UBR2: variants seen among roughly 807,000 people sequenced by gnomAD.
UBR2 encodes ubiquitin protein ligase E3 component n-recognin 2.
Under a neutral mutation model 247.9 loss-of-function variants are expected in UBR2, and 92 were observed. That is an observed-to-expected ratio of 0.37 (90% CI 0.31 to 0.44). The LOEUF (loss-of-function observed/expected upper bound fraction) is 0.44, where lower values mean the gene tolerates loss of function less well. UBR2 is among the 20% of genes least tolerant of loss of function. UBR2 has a pLI of 1.00. For synonymous variants in UBR2, 672 were observed against 693.5 expected, an observed-to-expected ratio of 0.97 and a Z score of 0.49; for missense variants, 1,613 against 2,112.6, an observed-to-expected ratio of 0.76 and a Z score of 4.64.
At chr6:42,690,955 C>A in intron 46 of UBR2, 77 bp from the exon 47 acceptor site, 1 of 1,562,664 alleles carries the variant, frequency 6.4e-7, no homozygotes, top group Non-Finnish European at 8.7e-7. Flanking sequence ...GTAACCTTGC[C>A]TAAATCAGGA....
At chr6:42,633,928 A>G (rs1261230333) in intron 13 of UBR2, among the ~76,000 whole-genome samples, 1 of 151,462 alleles carries the variant, frequency 6.6e-6, no homozygotes, top group East Asian at 1.9e-4. Flanking sequence ...ACGAGGTTTC[A>G]CCAAGTTGTC....
intron 42 of UBR2, among the ~76,000 whole-genome samples, 164 bp downstream of exon 42, chr6:42,679,996 G>GTTTTGT (rs534673346): frequency 4.6e-4 from 70 of 152,014 alleles, no homozygotes; most frequent in East Asian, 7.8e-4. Context: ...GTTTTGTTTT[G>GTTTTGT]TTTTGTTTTT....
intron 2 of UBR2, 46 bp downstream of exon 2, chr6:42,574,039 A>T: frequency 6.8e-7 from 1 of 1,466,096 alleles, no homozygotes; most frequent in Non-Finnish European, 9.0e-7. Flanking sequence ...GTTTTATTTG[A>T]CCTCTTTTTT....
At chr6:42,604,700 A>C (rs1793589628) in intron 5 of UBR2, among the ~76,000 whole-genome samples, 1 of 152,122 alleles carries the variant, frequency 6.6e-6, no homozygotes, top group African/African-American at 2.4e-5. Context: ...ATCTCCTATC[A>C]AATTTTTTAT....
At position 42,581,003 on chromosome 6, in the gene UBR2, A is replaced by AT. The variant is rs58396471; in HGVS notation, c.338+7038dup. ...TTAGATTACCTTGGGTGGTTCTAGA[A>AT]TTTTTTTTTTTTTTTTTTTTTTTTT... On this transcript the variant is annotated intron_variant, in intron 2 of 46. Coordinates refer to ENST00000372901, the MANE Select transcript of UBR2 (RefSeq NM_001363705.2). Among the ~76,000 whole-genome samples the AT allele has an allele frequency of 5.6e-3, 348 of 62,638 alleles. 12 individuals carry two copies. The highest frequency in any genetic ancestry group is 0.012 in the African/African-American group (154 of 13,088). The allele number at this position is 62,638 out of a possible 152,430, so 41.1% of individuals were successfully genotyped here.
At chr6:42,630,809 G>T (rs1048528502) in intron 11 of UBR2, among the ~76,000 whole-genome samples, 3 of 151,630 alleles carry the variant, frequency 2.0e-5, no homozygotes, top group South Asian at 4.2e-4. Flanking sequence ...CTTATTTGGG[G>T]TTTTTTTGTT....
chr6:42,630,135 G>C (rs1795616341), intron 11 of UBR2, among the ~76,000 whole-genome samples: 1 of 148,850 alleles, frequency 6.7e-6, no homozygotes, highest in African/African-American at 2.5e-5. Context: ...AGCAGTAGCA[G>C]TAGTAGTAGT....
intron 4 of UBR2, among the ~76,000 whole-genome samples, chr6:42,595,622 G>A (rs1792919481): frequency 6.6e-6 from 1 of 151,800 alleles, no homozygotes; most frequent in African/African-American, 2.4e-5. Context: ...GCACGTGCCT[G>A]TGGTCCCAGC....
chr6:42,640,204 T>C lies in UBR2; in HGVS notation c.1859-5T>C. 1.2e-6 allele frequency: 2 copies of C among 1,601,494 alleles called. No homozygotes were observed. Among genetic ancestry groups the C allele is most frequent in the Non-Finnish European group, 1.7e-6 (2 of 1,176,246 alleles). On this transcript the variant is annotated splice_polypyrimidine_tract_variant and splice_region_variant and intron_variant, in intron 15 of 46. Transcript: ENST00000372901. ...ATACTGTTTTTTGTTTGTTCTTTCA[T>C]GCAGGTTTACATGTATTATTAAGCA...
chr6:42,579,313 G>T (rs897667644), intron 2 of UBR2, among the ~76,000 whole-genome samples: 1 of 152,074 alleles, frequency 6.6e-6, no homozygotes, highest in African/African-American at 2.4e-5. Flanking sequence ...TCTCTATTGG[G>T]AGAACAGCAC....
At position 42,688,272 on chromosome 6, in the gene UBR2, G is replaced by T. The variant is rs1726611454; in HGVS notation, c.4910G>T (p.Gly1637Val). 1 of 1,614,012 alleles carries T rather than the reference G, an allele frequency of 6.2e-7. No homozygotes were observed. Among genetic ancestry groups the T allele is most frequent in the Non-Finnish European group, 8.5e-7 (1 of 1,180,036 alleles). ...GCCCCAACTCTGTGCCTTGTGTGCG[G>T]ATCTCTGCTGTGCTCCCAGAGTTAC... ...SRAPTLCLVCGSLLCSQSYCC... is the reference protein window; with the variant it reads ...SRAPTLCLVCVSLLCSQSYCC... Residue 1637 changes from glycine (G) to valine (V), a missense_variant, in exon 45 of 47, where the codon GGA (glycine) becomes GTA (valine). Physicochemically the swap from Gly to Val is moderately radical, Grantham distance 109. Coordinates refer to ENST00000372901, the MANE Select transcript of UBR2 (RefSeq NM_001363705.2).
chr6:42,599,888 G>T (rs1222496339), intron 4 of UBR2, among the ~76,000 whole-genome samples: 2 of 152,026 alleles, frequency 1.3e-5, no homozygotes, highest in Non-Finnish European at 2.9e-5. Context: ...GAGCCACCAC[G>T]CCTAGCTAGA....
intron 40 of UBR2, among the ~76,000 whole-genome samples, chr6:42,678,332 T>G (rs1349882300): frequency 1.3e-5 from 2 of 151,444 alleles, no homozygotes; most frequent in Non-Finnish European, 3.0e-5. Flanking sequence ...CGAGACTCCG[T>G]CTCAAAAAAT....
In UBR2 at chr6:42,605,889, T is replaced by C. The variant is rs141932517; in HGVS notation, c.801+30T>C. 8.2e-3 allele frequency: 12,948 copies of C among 1,582,646 alleles called. 72 individuals are homozygous for C. The highest frequency in any genetic ancestry group is 0.01 in the Non-Finnish European group (11,704 of 1,165,586). ...GTAATTTTACCATGTTGATAATAAA[T>C]TGAATTTTTACTATAGGTAAGTTAC... On this transcript the variant is annotated intron_variant, in intron 6 of 46. Coordinates refer to ENST00000372901, the MANE Select transcript of UBR2 (RefSeq NM_001363705.2).
chr6:42,670,370 A>G, intron 35 of UBR2, 130 bp downstream of exon 35: 2 of 1,210,858 alleles, frequency 1.7e-6, no homozygotes, highest in Non-Finnish European at 2.3e-6. Context: ...AAGACTTAGA[A>G]GCAAGAAATG....
rs772551749 is a variant in UBR2 at position 42,659,622 on chromosome 6, A to G, written c.3243-34A>G. On this transcript the variant is annotated intron_variant, in intron 29 of 46. Coordinates refer to ENST00000372901, the MANE Select transcript of UBR2 (RefSeq NM_001363705.2). The surrounding 1 kb of genome is among the most constrained non-coding windows in gnomAD (Gnocchi z 4.3). Reference sequence around the variant, plus strand: ...TTGTGATTATATAGAAAGTTTTGGGATCATTAATTATATTCATAACCTTTG... The same window carrying G: ...TTGTGATTATATAGAAAGTTTTGGGGTCATTAATTATATTCATAACCTTTG... 1.6e-5 allele frequency: 25 copies of G among 1,591,276 alleles called. No individual in the cohort carries two copies. Among genetic ancestry groups the G allele is most frequent in the Non-Finnish European group, 2.1e-5 (24 of 1,166,188 alleles).
intron 2 of UBR2, among the ~76,000 whole-genome samples, chr6:42,575,505 G>A (rs547847355): frequency 6.6e-6 from 1 of 152,218 alleles, no homozygotes; most frequent in East Asian, 1.9e-4. Context: ...CAAATTATTT[G>A]TATATCTTGT....
At chr6:42,631,527 T>C (rs1225256020) in intron 11 of UBR2, among the ~76,000 whole-genome samples, 1 of 152,162 alleles carries the variant, frequency 6.6e-6, no homozygotes, top group East Asian at 1.9e-4. Context: ...GAAATTACTC[T>C]ATAAATATTC....
intron 5 of UBR2, 118 bp downstream of exon 5, chr6:42,603,836 A>C: frequency 2.8e-6 from 3 of 1,055,528 alleles, no homozygotes; most frequent in Non-Finnish European, 4.0e-6. Context: ...CAATAACCTC[A>C]ATTTTATAGT....
Sources: allele counts gnomAD v4.1 joint callset (sites outside exome capture counted in the v4.1 genomes callset), GRCh38; gene constraint gnomAD v4.1.1; non-coding constraint Gnocchi (gnomAD v3.1); transcripts MANE v1.5; gene names NCBI Gene and HGNC (gene_info 2026-07-23, HGNC 2026-07-21).